MS4A13: variants seen among roughly 807,000 people sequenced by gnomAD.
The protein encoded by MS4A13 is membrane-spanning 4-domains subfamily A member 13.
MS4A13 carries 21 observed loss-of-function variants against 18.4 expected under a neutral mutation model. The observed-to-expected ratio is 1.14, with a 90% CI of 0.81 to 1.64. The LOEUF is 1.64. Among genes scored for constraint, MS4A13 ranks in the 40% most tolerant of loss-of-function variants. The pLI is 0.00. For missense variants in MS4A13, 173 were observed against 176.8 expected, an observed-to-expected ratio of 0.98 and a Z score of 0.12; for synonymous variants, 62 against 57.2, an observed-to-expected ratio of 1.08 and a Z score of -0.38.
rs375905288 is a variant in MS4A13, at chr11:60,525,205, A to T, written c.187-2A>T. ...TAAATTTGCCCTCTGTCTCCTTTTC[A>T]GATTATAAGTACTTTAATCATAAAC... On this transcript the variant is annotated splice_acceptor_variant, in intron 4 of 6. Transcript: ENST00000378186. LOFTEE classifies it high-confidence loss of function. 2 of 1,559,620 alleles carry T rather than the reference A, an allele frequency of 1.3e-6. No homozygotes were observed. The highest frequency in any genetic ancestry group is 1.8e-6 in the Non-Finnish European group (2 of 1,133,384).
At chr11:60,535,200 AC>A (rs1211189498) in intron 6 of MS4A13, among the ~76,000 whole-genome samples, 16 of 49,272 alleles carry the variant, frequency 3.2e-4, no homozygotes, top group Non-Finnish European at 1.1e-4. Flanking sequence ...AAATAGAGAC[AC>A]AAAAAACCCT....
rs60140970 is a variant in MS4A13 at position 60,538,177 on chromosome 11, T to TTAAAAAAAAAAAAAAA, written c.403-4342_403-4341insTAAAAAAAAAAAAAAA. ...ATGTACCCTAAAACTTAAAGTATAA[T>TTAAAAAAAAAAAAAAA]AAAAAAAAAAAAAACGAAAAAAAAA... On this transcript the variant is annotated intron_variant, in intron 6 of 6. Coordinates refer to ENST00000378186, the MANE Select transcript of MS4A13 (RefSeq NM_001012417.3). Among the ~76,000 whole-genome samples, 44 of 75,084 alleles carry TTAAAAAAAAAAAAAAA rather than the reference T, an allele frequency of 5.9e-4. 1 individual carries two copies. Among genetic ancestry groups the TTAAAAAAAAAAAAAAA allele is most frequent in the South Asian group, 1.7e-3 (4 of 2,296 alleles). The allele number at this position is 75,084 out of a possible 152,430, so 49.3% of individuals were successfully genotyped here.
chr11:60,524,990 G>A (rs2086703906), intron 4 of MS4A13, among the ~76,000 whole-genome samples: 1 of 152,092 alleles, frequency 6.6e-6, no homozygotes, highest in African/African-American at 2.4e-5. Context: ...TAGCCTAAAT[G>A]GAAGATTAAT....
intron 3 of MS4A13, among the ~76,000 whole-genome samples, chr11:60,518,609 CTAGA>C (rs2086653750): frequency 6.6e-6 from 1 of 152,264 alleles, no homozygotes; most frequent in African/African-American, 2.4e-5. Context: ...CCTGTGGTTT[CTAGA>C]TAGCCATTAG....
At chr11:60,526,711 C>A (rs10897080) in intron 5 of MS4A13, among the ~76,000 whole-genome samples, 25,042 of 152,204 alleles carry the variant, frequency 0.16, 2,306 homozygotes, top group East Asian at 0.27. Context: ...CAACTTTTCT[C>A]ACATAAGCAA....
intron 5 of MS4A13, among the ~76,000 whole-genome samples, chr11:60,529,000 T>C (rs1227921434): frequency 6.6e-6 from 1 of 152,222 alleles, no homozygotes; most frequent in East Asian, 1.9e-4. Flanking sequence ...ATAAATCTGT[T>C]GGTGGCCATC....
chr11:60,528,902 T>C (rs566490476), intron 5 of MS4A13, among the ~76,000 whole-genome samples: 3 of 152,374 alleles, frequency 2.0e-5, no homozygotes, highest in Non-Finnish European at 2.9e-5. Context: ...ATTAGAGCAA[T>C]ATATATGTGA....
intron 6 of MS4A13, among the ~76,000 whole-genome samples, chr11:60,532,391 G>T (rs1025437135): frequency 6.6e-6 from 1 of 152,134 alleles, no homozygotes; most frequent in Non-Finnish European, 1.5e-5. Context: ...TTCCCTTTCC[G>T]AGTCAAAGAA....
intron 3 of MS4A13, 29 bp downstream of exon 3, chr11:60,518,241 A>T (rs1309827655): frequency 6.5e-7 from 1 of 1,544,444 alleles, no homozygotes; most frequent in Non-Finnish European, 8.8e-7. Context: ...TATTGCTTTA[A>T]TCATACAATA....
At chr11:60,533,632 G>A (rs1431661456) in intron 6 of MS4A13, among the ~76,000 whole-genome samples, 14 of 83,040 alleles carry the variant, frequency 1.7e-4, no homozygotes, top group African/African-American at 6.5e-4. Context: ...CCCCAATCTA[G>A]CAAGGCAGGC....
chr11:60,516,977 G>A (rs1331245133), intron 2 of MS4A13, among the ~76,000 whole-genome samples: 1 of 151,442 alleles, frequency 6.6e-6, no homozygotes, highest in Non-Finnish European at 1.5e-5. Flanking sequence ...TCTATTCTGG[G>A]CACCATATTA....
In MS4A13 at chr11:60,515,598, A is replaced by G. The variant is rs1349183856; in HGVS notation, c.-138A>G. The G allele has an allele frequency of 1.3e-5, 2 of 152,238 alleles. No homozygotes were observed. The highest frequency in any genetic ancestry group is 2.4e-5 in the African/African-American group (1 of 41,446). The allele number at this position is 152,238 out of a possible 1,614,324, so 9.4% of individuals were successfully genotyped here. A position where few individuals can be genotyped will look rare whatever the true frequency, so the allele number is the denominator to read the frequency against. On this transcript the variant is annotated 5_prime_UTR_variant, in exon 1 of 7. Coordinates refer to ENST00000378186, the MANE Select transcript of MS4A13 (RefSeq NM_001012417.3). ...AAACTCCTTGGAACCTTGAACAAGTAAAATGCAGGGTAGTGATGTCGCTTT... is the reference window on the plus strand; with the variant it reads ...AAACTCCTTGGAACCTTGAACAAGTGAAATGCAGGGTAGTGATGTCGCTTT...
chr11:60,525,281 G>A lies in MS4A13; in HGVS notation c.261G>A (p.Glu87=). The change falls in exon 5 of 7, where the codon GAG becomes GAA. Residue 87 remains glutamate, a synonymous_variant. Transcript: ENST00000378186. ...TITAVTLTII[E]LSHFNSVSYR... ...CTGCAGTAACTCTAACAATAATAGA[G>A]TTGTCTCATTTTAATTCTGTGTCAT... is the stretch of plus-strand genomic sequence containing the variant. The A allele has an allele frequency of 6.3e-7, 1 of 1,590,886 alleles. No individual in the cohort carries two copies. The highest frequency in any genetic ancestry group is 8.6e-7 in the Non-Finnish European group (1 of 1,161,506).
intron 3 of MS4A13, among the ~76,000 whole-genome samples, chr11:60,520,916 G>A (rs2086669727): frequency 6.6e-6 from 1 of 152,240 alleles, no homozygotes; most frequent in Non-Finnish European, 1.5e-5. Context: ...AACTTCCGCT[G>A]GGCATCCAGG....
chr11:60,528,986 C>T (rs1310350344), intron 5 of MS4A13, among the ~76,000 whole-genome samples: 2 of 152,126 alleles, frequency 1.3e-5, no homozygotes, highest in Non-Finnish European at 2.9e-5. Flanking sequence ...AAAAGGATTG[C>T]TTGATAAATC....
chr11:60,540,554 A>G (rs1486760512), intron 6 of MS4A13, among the ~76,000 whole-genome samples: 1 of 152,218 alleles, frequency 6.6e-6, no homozygotes, highest in Non-Finnish European at 1.5e-5. Context: ...GTGATAAATT[A>G]GGGTGCTTAT....
chr11:60,529,076 C>G (rs189996073), intron 5 of MS4A13, among the ~76,000 whole-genome samples: 66 of 152,170 alleles, frequency 4.3e-4, no homozygotes, highest in Non-Finnish European at 7.9e-4. Flanking sequence ...GCTGTGCCAG[C>G]GACTCTGTAA....
chr11:60,541,959 G>C (rs1215487028), intron 6 of MS4A13, among the ~76,000 whole-genome samples: 1 of 152,038 alleles, frequency 6.6e-6, no homozygotes, highest in Non-Finnish European at 1.5e-5. Flanking sequence ...AAATTAGCCA[G>C]GCATGGTGGC....
intron 6 of MS4A13, among the ~76,000 whole-genome samples, chr11:60,538,455 G>A (rs1038511267): frequency 5.4e-5 from 8 of 147,248 alleles, no homozygotes; most frequent in African/African-American, 1.8e-4. Flanking sequence ...AAGTATATGA[G>A]GTTATGAATT....
Sources: gnomAD v4.1 joint callset for allele counts (sites outside exome capture counted in the v4.1 genomes callset) on GRCh38, gnomAD v4.1.1 for gene constraint, MANE v1.5 for transcripts, NCBI Gene and HGNC (gene_info 2026-07-23, HGNC 2026-07-21) for gene names.